The following LTBP1 variants were observed in gnomAD, a reference collection of about 807,000 sequenced individuals.
The protein encoded by LTBP1 is latent-transforming growth factor beta-binding protein 1.
LTBP1 carries 129 observed loss-of-function variants against 207.6 expected under a neutral mutation model. That is an observed-to-expected ratio of 0.62 (90% confidence interval 0.54 to 0.72). The LOEUF is 0.72. Ranked by LOEUF, LTBP1 falls within the 30% of genes least tolerant of loss-of-function variation. LTBP1 has a pLI of 0.00. For missense variants in LTBP1, 2,281 were observed against 2,217.2 expected, an observed-to-expected ratio of 1.03 and a Z score of -0.58; for synonymous variants, 963 against 833.7, an observed-to-expected ratio of 1.16 and a Z score of -2.67.
chr2:33,260,243 G>T (rs751620723), intron 13 of LTBP1, among the ~76,000 whole-genome samples: 6 of 151,952 alleles, frequency 3.9e-5, no homozygotes, highest in African/African-American at 1.5e-4. Flanking sequence ...CTCTGAATCC[G>T]GCTTTCTTTC....
chr2:33,171,942 C>T (rs991047227), intron 5 of LTBP1, among the ~76,000 whole-genome samples: 1 of 152,122 alleles, frequency 6.6e-6, no homozygotes, highest in African/African-American at 2.4e-5. Flanking sequence ...AAATACTTTA[C>T]AGACAAGCAA....
Position 33,055,975 on chromosome 2 carries a change from C to A in LTBP1, c.863+34769C>A, listed in dbSNP as rs573213598. On this transcript the variant is annotated intron_variant, in intron 3 of 33. Coordinates refer to ENST00000404816, the MANE Select transcript of LTBP1 (RefSeq NM_206943.4). Reference sequence around the variant, plus strand: ...AGGATATGGGGGTAAGCTGAGAGGTCCTCCTGTGGGATGTAACTTGTAAGC... The same window carrying A: ...AGGATATGGGGGTAAGCTGAGAGGTACTCCTGTGGGATGTAACTTGTAAGC... Among the ~76,000 whole-genome samples the A allele has an allele frequency of 4.7e-3, 715 of 152,220 alleles. 8 individuals are homozygous for A. Among genetic ancestry groups the A allele is most frequent in the Middle Eastern group, 0.024 (7 of 294 alleles).
At chr2:33,102,564 A>G (rs2079798165) in intron 3 of LTBP1, among the ~76,000 whole-genome samples, 1 of 151,804 alleles carries the variant, frequency 6.6e-6, no homozygotes, top group African/African-American at 2.4e-5. Flanking sequence ...TAATTTCTCA[A>G]TCCCTTTTGT....
intron 21 of LTBP1, among the ~76,000 whole-genome samples, 158 bp downstream of exon 21, chr2:33,300,731 A>G (rs1374779625): frequency 1.3e-5 from 2 of 152,238 alleles, no homozygotes; most frequent in East Asian, 1.9e-4. Flanking sequence ...AGGAAAGTCA[A>G]TAAAACAAGA....
chr2:33,193,507 G>A (rs890170519), intron 7 of LTBP1, among the ~76,000 whole-genome samples: 5 of 152,222 alleles, frequency 3.3e-5, no homozygotes, highest in South Asian at 4.2e-4. Flanking sequence ...CATGATGTTC[G>A]TAGTTTACAG....
intron 19 of LTBP1, among the ~76,000 whole-genome samples, chr2:33,281,380 A>G (rs1274273135): frequency 1.3e-5 from 2 of 152,210 alleles, no homozygotes; most frequent in African/African-American, 4.8e-5. Flanking sequence ...AGTAAACAGC[A>G]TATGCAAGAG....
intron 20 of LTBP1, among the ~76,000 whole-genome samples, 185 bp downstream of exon 20, chr2:33,293,467 T>C (rs1358697590): frequency 6.6e-6 from 1 of 152,230 alleles, no homozygotes; most frequent in Non-Finnish European, 1.5e-5. Flanking sequence ...GCATATCTAT[T>C]TACATAAAGG....
chr2:33,043,174 C>T lies in LTBP1; in HGVS notation c.863+21968C>T, dbSNP rs553533060. Among the ~76,000 whole-genome samples the T allele has an allele frequency of 3.3e-5, 5 of 152,298 alleles. No homozygotes were observed. In the East Asian group the frequency reaches 9.6e-4, roughly 29 times the overall value. On this transcript the variant is annotated intron_variant, in intron 3 of 33. Transcript: ENST00000404816. ...AATGTTCCATGTCTCAGCTTGAAAA[C>T]ATTATGGCAGGAAGTCCTGCGTCAG...
At chr2:33,084,266 T>A (rs1415225182) in intron 3 of LTBP1, among the ~76,000 whole-genome samples, 5 of 152,330 alleles carry the variant, frequency 3.3e-5, no homozygotes, top group East Asian at 3.9e-4. Context: ...TTTTTGCTTT[T>A]AAATTTTCAG....
intron 2 of LTBP1, among the ~76,000 whole-genome samples, chr2:32,989,088 T>C (rs1194316292): frequency 1.3e-5 from 2 of 152,214 alleles, no homozygotes; most frequent in Non-Finnish European, 2.9e-5. Flanking sequence ...CAACAAAGCA[T>C]TGGAACATTG....
At chr2:32,968,852 T>C (rs1680385016) in intron 2 of LTBP1, among the ~76,000 whole-genome samples, 1 of 151,302 alleles carries the variant, frequency 6.6e-6, no homozygotes, top group Admixed American at 6.6e-5. Flanking sequence ...GCCTCCCAAG[T>C]AGCTGGGACT....
At chr2:33,195,501 G>A (rs1473588372) in intron 7 of LTBP1, among the ~76,000 whole-genome samples, 2 of 152,190 alleles carry the variant, frequency 1.3e-5, no homozygotes, top group Non-Finnish European at 2.9e-5. Flanking sequence ...GAAATAGCAA[G>A]AGAACTCGAG....
chr2:33,218,725 TG>T (rs1325933047), intron 8 of LTBP1, among the ~76,000 whole-genome samples: 3 of 152,220 alleles, frequency 2.0e-5, no homozygotes, highest in Non-Finnish European at 4.4e-5. Context: ...CAGAGGTGAC[TG>T]GGTTTAAGTT....
chr2:33,262,333 G>A (rs1282854666), intron 13 of LTBP1, among the ~76,000 whole-genome samples: 1 of 152,310 alleles, frequency 6.6e-6, no homozygotes, highest in African/African-American at 2.4e-5. Flanking sequence ...GGTCATCTTA[G>A]TGGGGCAGAG....
intron 7 of LTBP1, among the ~76,000 whole-genome samples, chr2:33,217,120 C>G (rs2090771890): frequency 6.6e-6 from 1 of 152,136 alleles, no homozygotes; most frequent in African/African-American, 2.4e-5. Context: ...GGGACCTGTG[C>G]CATCTTCTCA....
At chr2:33,082,822 C>G (rs1353936059) in intron 3 of LTBP1, among the ~76,000 whole-genome samples, 1 of 152,198 alleles carries the variant, frequency 6.6e-6, no homozygotes, top group Non-Finnish European at 1.5e-5. Context: ...GTCATCTCCT[C>G]TCTGCCTTGT....
At chr2:32,992,995 A>C (rs1168699886) in intron 2 of LTBP1, among the ~76,000 whole-genome samples, 1 of 152,084 alleles carries the variant, frequency 6.6e-6, no homozygotes, top group African/African-American at 2.4e-5. Flanking sequence ...TTGTTGGGGA[A>C]GGAGGGTTAG....
intron 5 of LTBP1, among the ~76,000 whole-genome samples, chr2:33,181,484 C>T (rs2086632358): frequency 6.6e-6 from 1 of 152,188 alleles, no homozygotes; most frequent in African/African-American, 2.4e-5. Context: ...GATCCTTTTG[C>T]TCATTTTGAC....
chr2:33,056,145 C>T (rs535440645), intron 3 of LTBP1, among the ~76,000 whole-genome samples: 50 of 152,182 alleles, frequency 3.3e-4, no homozygotes, highest in African/African-American at 1.1e-3. Flanking sequence ...GCCGTTTTTC[C>T]CCATCAGAGA....
Sources: gnomAD v4.1 joint callset for allele counts (sites outside exome capture counted in the v4.1 genomes callset) on GRCh38, gnomAD v4.1.1 for gene constraint, MANE v1.5 for transcripts, NCBI Gene and HGNC (gene_info 2026-07-23, HGNC 2026-07-21) for gene names.